SRSF7: variants seen among roughly 807,000 people sequenced by gnomAD.
The protein encoded by SRSF7 is serine/arginine-rich splicing factor 7.
A neutral mutation model predicts 42.2 loss-of-function variants in SRSF7; 15 were observed. The observed-to-expected ratio is 0.36, with a 90% CI of 0.24 to 0.55. The LOEUF is 0.55. Ranked by LOEUF, SRSF7 falls within the 20% of genes least tolerant of loss-of-function variation. The pLI, the probability that SRSF7 is intolerant of heterozygous loss-of-function variation, is 0.88. For missense variants in SRSF7, 181 were observed against 305.9 expected (o/e 0.59, Z 3.04); for synonymous variants, 138 against 107.9 (o/e 1.28, Z -1.73).
Position 38,751,339 on chromosome 2 carries a change from G to T in SRSF7, c.-83C>A. 2 of 1,590,030 alleles carry T rather than the reference G, an allele frequency of 1.3e-6. No individual in the cohort carries two copies. Among genetic ancestry groups the T allele is most frequent in the Non-Finnish European group, 1.7e-6 (2 of 1,160,926 alleles). ...CAAAAGCTGACACACACCTTCACCC[G>T]CCAAGAGTCCCGGCGGCACTACGAG... On this transcript the variant is annotated 5_prime_UTR_variant, in exon 1 of 8. Coordinates refer to ENST00000313117, the MANE Select transcript of SRSF7 (RefSeq NM_001031684.3).
chr2:38,748,251 A>G (rs1667777413), intron 4 of SRSF7, 94 bp from the exon 5 acceptor site: 2 of 922,028 alleles, frequency 2.2e-6, no homozygotes, highest in Non-Finnish European at 3.4e-6. Flanking sequence ...GCTCATGCCC[A>G]TAATCCCAGC....
chr2:38,748,854 G>A, intron 3 of SRSF7: 1 of 1,342,910 alleles, frequency 7.4e-7, no homozygotes, highest in Non-Finnish European at 9.8e-7. Flanking sequence ...TTACAACTTA[G>A]CATTACATAA....
intron 2 of SRSF7, 97 bp downstream of exon 2, chr2:38,749,917 G>T: frequency 2.2e-6 from 3 of 1,372,958 alleles, no homozygotes; most frequent in Non-Finnish European, 3.0e-6. Context: ...AGCTATTTAA[G>T]GTCTCTTCCA....
At chr2:38,749,827 G>C (rs1434528125) in intron 2 of SRSF7, 122 bp from the exon 3 acceptor site, 1 of 1,305,218 alleles carries the variant, frequency 7.7e-7, no homozygotes, top group Non-Finnish European at 1.0e-6. Context: ...AACAAACTTT[G>C]GCGGTCTTTA....
At chr2:38,750,265 C>T in intron 1 of SRSF7, 71 bp from the exon 2 acceptor site, 4 of 1,417,006 alleles carry the variant, frequency 2.8e-6, no homozygotes, top group Non-Finnish European at 2.9e-6. Context: ...ACTTATTTGC[C>T]TTAAAACGGG....
chr2:38,746,903 G>A (rs1667505541), intron 5 of SRSF7, 156 bp from the exon 6 acceptor site: 1 of 1,301,876 alleles, frequency 7.7e-7, no homozygotes, highest in Non-Finnish European at 1.0e-6. Context: ...GTCAAACAAA[G>A]TGTTACCAGA....
At position 38,745,096 on chromosome 2, in the gene SRSF7, CAA is replaced by C; in HGVS notation, c.*35_*36del. The C allele has an allele frequency of 6.2e-7, 1 of 1,609,028 alleles. No homozygotes were observed. The highest frequency in any genetic ancestry group is 8.5e-7 in the Non-Finnish European group (1 of 1,175,954). On this transcript the variant is annotated 3_prime_UTR_variant, in exon 8 of 8. Transcript: ENST00000313117. ...CACAAATCCCTTATAATAATGTAAACAAAATAACTTTTCCCTAAAGGGTGAAC... is the reference window on the plus strand; with the variant it reads ...CACAAATCCCTTATAATAATGTAAACAATAACTTTTCCCTAAAGGGTGAAC...
chr2:38,747,401 T>C (rs1667614578), intron 5 of SRSF7, among the ~76,000 whole-genome samples: 1 of 152,228 alleles, frequency 6.6e-6, no homozygotes, highest in Non-Finnish European at 1.5e-5. Context: ...GCAATTTAAC[T>C]CCCAGTAGCA....
chr2:38,750,566 C>T (rs1044813346), intron 1 of SRSF7, among the ~76,000 whole-genome samples: 1 of 151,644 alleles, frequency 6.6e-6, no homozygotes, highest in African/African-American at 2.4e-5. Context: ...GGGAGGGCCT[C>T]GGTAGGGGCC....
At chr2:38,748,240 G>T in intron 4 of SRSF7, 83 bp from the exon 5 acceptor site, 1 of 1,019,098 alleles carries the variant, frequency 9.8e-7, no homozygotes, top group Admixed American at 2.2e-5. Flanking sequence ...ACGGTGCAGT[G>T]GCTCATGCCC....
In SRSF7 at chr2:38,744,360, ATAAAAC is replaced by A; in HGVS notation, c.*767_*772del. 6.6e-6 allele frequency: 1 copy of A among 152,602 alleles called. No homozygotes were observed. Among genetic ancestry groups the A allele is most frequent in the African/African-American group, 2.4e-5 (1 of 41,446 alleles). 9.5% of individuals were successfully genotyped at this position (152,602 alleles called of 1,614,324 possible). A position where few individuals can be genotyped will look rare whatever the true frequency, so the allele number is the denominator to read the frequency against. On this transcript the variant is annotated 3_prime_UTR_variant, in exon 8 of 8. Transcript: ENST00000313117. ...ATTCCTCAAACATGCATTTTTTGGT[ATAAAAC>A]TGGTTAACTAATGTAGAAAGCAAAG...
chr2:38,746,781 A>T (rs374785697), intron 5 of SRSF7, 34 bp from the exon 6 acceptor site: 1 of 1,611,800 alleles, frequency 6.2e-7, no homozygotes, highest in African/African-American at 1.3e-5. Context: ...CAATTATATC[A>T]ATCAGTCCAA....
chr2:38,746,743 G>C lies in SRSF7; in HGVS notation c.577C>G (p.Pro193Ala). ...SIKGSRYFQSPSRSRSRSRSI... is the reference protein window; with the variant it reads ...SIKGSRYFQSASRSRSRSRSI... Reference sequence around the variant, plus strand: ...CTGGATCTTGATCTTGACCTCGACGGGGATCTTAATAAAAAAAGTGAAAAA... The same window carrying C: ...CTGGATCTTGATCTTGACCTCGACGCGGATCTTAATAAAAAAAGTGAAAAA... Residue 193 changes from proline to alanine, a missense_variant, in exon 6 of 8, where the codon CCG (proline) becomes GCG (alanine). Pro to Ala is a conservative substitution (Grantham distance 27). This residue lies in a region of SRSF7 where 136 missense variants were observed against 147.8 expected (regional missense o/e 0.92). Transcript: ENST00000313117. The C allele has an allele frequency of 1.9e-6, 3 of 1,613,244 alleles. No homozygotes were observed. Among genetic ancestry groups the C allele is most frequent in the Non-Finnish European group, 2.5e-6 (3 of 1,179,764 alleles).
intron 1 of SRSF7, chr2:38,750,914 C>T (rs1668237546): frequency 2.7e-6 from 1 of 377,184 alleles, no homozygotes; most frequent in Non-Finnish European, 5.0e-6. Context: ...TGGCAGCCGC[C>T]GCCGAGGGCG....
At position 38,746,151 on chromosome 2, in the gene SRSF7, T is replaced by C; in HGVS notation, c.655A>G (p.Lys219Glu). The change falls in exon 7 of 8, where the codon AAA (lysine) becomes GAA (glutamate). Residue 219 changes from lysine to glutamate, a missense_variant. This residue lies in a region of SRSF7 where 136 missense variants were observed against 147.8 expected (regional missense o/e 0.92). Transcript: ENST00000313117. ...ACAAAACATTTAGCTTACCTTCTTTTTGGAGATGGAGATCTGGACTTTGAT... is the reference window on the plus strand; with the variant it reads ...ACAAAACATTTAGCTTACCTTCTTTCTGGAGATGGAGATCTGGACTTTGAT... ...SRSKSRSPSP[K>E]RSRSPSGSPR... is the part of the protein sequence containing the mutation. 1.9e-6 allele frequency: 3 copies of C among 1,614,124 alleles called. No individual in the cohort carries two copies. The highest frequency in any genetic ancestry group is 1.1e-5 in the South Asian group (1 of 91,076).
In SRSF7 at chr2:38,748,631, G is replaced by C; in HGVS notation, c.409C>G (p.Arg137Gly). Residue 137 changes from arginine to glycine, a missense_variant, in exon 4 of 8, where the codon CGA (arginine) becomes GGA (glycine). This residue lies in a region of SRSF7 where 136 missense variants were observed against 147.8 expected (regional missense o/e 0.92). Coordinates refer to ENST00000313117, the MANE Select transcript of SRSF7 (RefSeq NM_001031684.3). ...CGAGAGTATCGCCTTCCTCTGGATC[G>C]AGAATGTGATCTAGACCGTGACCTA... ...RSRSRSRSHS[R>G]SRGRRYSRSR... The C allele has an allele frequency of 6.2e-7, 1 of 1,614,074 alleles. No homozygotes were observed. The highest frequency in any genetic ancestry group is 8.5e-7 in the Non-Finnish European group (1 of 1,179,972).
At position 38,746,744 on chromosome 2, in the gene SRSF7, G is replaced by C; in HGVS notation, c.576C>G (p.Ser192=). The change falls in exon 6 of 8, where the codon TCC becomes TCG. Residue 192 remains serine (S), a synonymous_variant. Transcript: ENST00000313117. Reference sequence around the variant, plus strand: ...TGGATCTTGATCTTGACCTCGACGGGGATCTTAATAAAAAAAGTGAAAAAC... The same window carrying C: ...TGGATCTTGATCTTGACCTCGACGGCGATCTTAATAAAAAAAGTGAAAAAC... ...GSIKGSRYFQ[S]PSRSRSRSRS... 5 of 1,613,066 alleles carry C rather than the reference G, an allele frequency of 3.1e-6. No homozygotes were observed. The highest frequency in any genetic ancestry group is 4.2e-6 in the Non-Finnish European group (5 of 1,179,684).
Position 38,751,308 on chromosome 2 carries a change from G to C in SRSF7, c.-52C>G. On this transcript the variant is annotated 5_prime_UTR_variant, in exon 1 of 8. Coordinates refer to ENST00000313117, the MANE Select transcript of SRSF7 (RefSeq NM_001031684.3). ...TTAGCAAGCAGCGCCCAGGGCTCGA[G>C]TGACGCAAAAGCTGACACACACCTT... 5 of 1,613,488 alleles carry C rather than the reference G, an allele frequency of 3.1e-6. No homozygotes were observed. The highest frequency in any genetic ancestry group is 4.5e-5 in the East Asian group (2 of 44,870).
chr2:38,751,157 G>T, intron 1 of SRSF7, 72 bp downstream of exon 1: 2 of 1,597,878 alleles, frequency 1.3e-6, no homozygotes, highest in South Asian at 1.1e-5. Flanking sequence ...CCCAACCTCC[G>T]CGACAACCCT....
Sources: gnomAD v4.1 joint callset for allele counts (sites outside exome capture counted in the v4.1 genomes callset) on GRCh38, gnomAD v4.1.1 for gene constraint, gnomAD v4.1.1 regional missense constraint, MANE v1.5 for transcripts, NCBI Gene and HGNC (gene_info 2026-07-23, HGNC 2026-07-21) for gene names.